The following DNAJC24 variants were observed in gnomAD, a reference collection of about 807,000 sequenced individuals.
The protein encoded by DNAJC24 is dnaJ homolog subfamily C member 24.
A neutral mutation model predicts 18.0 loss-of-function variants in DNAJC24; 17 were observed. The observed-to-expected ratio is 0.94, with a 90% CI of 0.65 to 1.42. The LOEUF is 1.42. Among genes scored for constraint, DNAJC24 ranks in the 40% most tolerant of loss-of-function variants. The probability of loss-of-function intolerance (pLI) is 0.00; values close to 1 mark genes in which losing one functional copy is unlikely to be tolerated. For missense variants in DNAJC24, 158 were observed against 175.6 expected, an observed-to-expected ratio of 0.90 and a Z score of 0.57; for synonymous variants, 55 against 57.7, an observed-to-expected ratio of 0.95 and a Z score of 0.21.
chr11:31,430,045 C>A (rs1175326777), intron 4 of DNAJC24, among the ~76,000 whole-genome samples: 2 of 152,154 alleles, frequency 1.3e-5, no homozygotes, highest in East Asian at 3.9e-4. Context: ...ACTTTTAATT[C>A]ATAGCTTCAA....
chr11:31,380,990 A>G (rs1182918282), intron 2 of DNAJC24, among the ~76,000 whole-genome samples: 1 of 152,186 alleles, frequency 6.6e-6, no homozygotes, highest in African/African-American at 2.4e-5. Flanking sequence ...ATTATAGCAC[A>G]TTACATAGTA....
chr11:31,374,101 AG>A (rs761175241), intron 2 of DNAJC24: 1 of 390,086 alleles, frequency 2.6e-6, no homozygotes, highest in East Asian at 7.0e-5. Flanking sequence ...TCTTACGTTA[AG>A]GCACTAGCTG....
chr11:31,381,960 A>G (rs1952381625), intron 2 of DNAJC24, among the ~76,000 whole-genome samples: 1 of 152,194 alleles, frequency 6.6e-6, no homozygotes, highest in African/African-American at 2.4e-5. Flanking sequence ...ATACTTTTCA[A>G]ATTAGTTAAA....
intron 2 of DNAJC24, among the ~76,000 whole-genome samples, chr11:31,404,939 A>C (rs1467223948): frequency 5.3e-5 from 8 of 151,888 alleles, no homozygotes; most frequent in Non-Finnish European, 1.2e-4. Context: ...CTTTTTGCTG[A>C]GATTCTGATC....
intron 3 of DNAJC24, chr11:31,415,194 T>A (rs902034056): frequency 3.7e-5 from 14 of 376,312 alleles, no homozygotes; most frequent in Non-Finnish European, 4.7e-6. Context: ...TTTTATAACA[T>A]TTGAAAAATG....
intron 2 of DNAJC24, among the ~76,000 whole-genome samples, chr11:31,386,041 G>A (rs1952427105): frequency 6.6e-6 from 1 of 152,166 alleles, no homozygotes; most frequent in Non-Finnish European, 1.5e-5. Flanking sequence ...CCCACAAAGA[G>A]CATTTAGATC....
At chr11:31,378,615 T>G (rs934753299) in intron 2 of DNAJC24, among the ~76,000 whole-genome samples, 11 of 151,684 alleles carry the variant, frequency 7.3e-5, no homozygotes, top group African/African-American at 2.7e-4. Flanking sequence ...CTTTGAAAAC[T>G]GTATTAAAAA....
chr11:31,382,497 A>G (rs1952386159), intron 2 of DNAJC24, among the ~76,000 whole-genome samples: 1 of 152,230 alleles, frequency 6.6e-6, no homozygotes, highest in East Asian at 1.9e-4. Flanking sequence ...GAATAATGAC[A>G]TTATACTAAT....
chr11:31,425,089 C>G (rs1047041845), intron 3 of DNAJC24, among the ~76,000 whole-genome samples: 4 of 151,922 alleles, frequency 2.6e-5, no homozygotes, highest in South Asian at 4.1e-4. Flanking sequence ...ATCTTTGACC[C>G]AAAGAACACT....
chr11:31,389,707 A>T (rs555967859), intron 2 of DNAJC24, among the ~76,000 whole-genome samples: 6 of 152,338 alleles, frequency 3.9e-5, no homozygotes, highest in African/African-American at 1.4e-4. Context: ...CTGCAGAATA[A>T]ATATTCTTCT....
intron 2 of DNAJC24, among the ~76,000 whole-genome samples, chr11:31,407,883 G>A (rs1056709044): frequency 1.3e-5 from 2 of 150,700 alleles, no homozygotes; most frequent in African/African-American, 4.9e-5. Context: ...AGTAGGTGAA[G>A]CCTGATACAA....
intron 2 of DNAJC24, among the ~76,000 whole-genome samples, chr11:31,404,867 G>A (rs981124974): frequency 2.0e-5 from 3 of 151,544 alleles, no homozygotes; most frequent in African/African-American, 7.3e-5. Context: ...CAGTACTTGA[G>A]TGGGACCTTC....
chr11:31,391,802 C>T (rs1380679058), intron 2 of DNAJC24, among the ~76,000 whole-genome samples: 1 of 152,122 alleles, frequency 6.6e-6, no homozygotes, highest in African/African-American at 2.4e-5. Context: ...ATCTGCACTC[C>T]CATGTTTATG....
At chr11:31,391,420 A>G (rs949657642) in intron 2 of DNAJC24, among the ~76,000 whole-genome samples, 2 of 152,206 alleles carry the variant, frequency 1.3e-5, no homozygotes, top group African/African-American at 4.8e-5. Flanking sequence ...ATAGGGAAAA[A>G]ATGTGATTTT....
chr11:31,426,808 ATT>A (rs34295574), intron 4 of DNAJC24: 1,846 of 132,588 alleles, frequency 0.014, 12 homozygotes, highest in African/African-American at 0.017. Flanking sequence ...AAGAGGCTTG[ATT>A]TTTTTTTTTT....
intron 2 of DNAJC24, among the ~76,000 whole-genome samples, chr11:31,402,979 A>T (rs1458971303): frequency 6.6e-6 from 1 of 152,168 alleles, no homozygotes; most frequent in East Asian, 1.9e-4. Context: ...TTTGTCATTG[A>T]CTGCAGCATC....
At chr11:31,425,334 G>C (rs1030683662) in intron 3 of DNAJC24, among the ~76,000 whole-genome samples, 2 of 152,170 alleles carry the variant, frequency 1.3e-5, no homozygotes, top group African/African-American at 4.8e-5. Flanking sequence ...CATTTGGATA[G>C]AGCATTATTT....
At chr11:31,404,598 T>G (rs956857055) in intron 2 of DNAJC24, among the ~76,000 whole-genome samples, 25 of 152,238 alleles carry the variant, frequency 1.6e-4, no homozygotes, top group Admixed American at 3.9e-4. Context: ...CAAATTGACC[T>G]TTACAATTTT....
chr11:31,370,849 T>G lies in DNAJC24; in HGVS notation c.101T>G (p.Leu34Arg), dbSNP rs1057193212. Reference protein sequence around the residue: ...ISDLKQKYQKLILMYHPDKQS... With the variant: ...ISDLKQKYQKRILMYHPDKQS... ...GACCTAAAACAAAAATATCAAAAACTCATATTAATGGTAAGTCTTTTCTTT... is the reference window on the plus strand; with the variant it reads ...GACCTAAAACAAAAATATCAAAAACGCATATTAATGGTAAGTCTTTTCTTT... The change falls in exon 2 of 5, where the codon CTC becomes CGC. Residue 34 changes from leucine (L) to arginine (R), a missense_variant. Physicochemically the swap from Leu to Arg is moderately radical, Grantham distance 102. Transcript: ENST00000465995. 1 of 1,591,336 alleles carries G rather than the reference T, an allele frequency of 6.3e-7. No homozygotes were observed. The highest frequency in any genetic ancestry group is 8.6e-7 in the Non-Finnish European group (1 of 1,162,534).
Sources: gnomAD v4.1 joint callset for allele counts (sites outside exome capture counted in the v4.1 genomes callset) on GRCh38, gnomAD v4.1.1 for gene constraint, MANE v1.5 for transcripts, NCBI Gene and HGNC (gene_info 2026-07-23, HGNC 2026-07-21) for gene names.